The following LARGE1 variants were observed in gnomAD, a reference collection of about 807,000 sequenced individuals.
LARGE1 encodes LARGE xylosyl- and glucuronyltransferase 1.
Under a neutral mutation model 87.6 loss-of-function variants are expected in LARGE1, and 43 were observed. That is an observed-to-expected ratio of 0.49 (90% CI 0.38 to 0.63). The LOEUF is 0.63. LARGE1 is among the 30% of genes least tolerant of loss of function. The pLI is 0.00. For synonymous variants in LARGE1, 434 were observed against 394.6 expected (o/e 1.10, Z -1.18); for missense variants, 802 against 1,000.2 (o/e 0.80, Z 2.67).
chr22:33,386,436 T>A (rs1285739566), intron 7 of LARGE1, among the ~76,000 whole-genome samples: 1 of 148,662 alleles, frequency 6.7e-6, no homozygotes, highest in Non-Finnish European at 1.5e-5. Flanking sequence ...GAGTGTTAAA[T>A]GAGAAAAATG....
At chr22:33,921,352 C>T (rs2065946463), upstream of LARGE1, among the ~76,000 whole-genome samples, 1 of 152,214 alleles carries the variant, frequency 6.6e-6, no homozygotes, top group South Asian at 2.1e-4. This position sits in a 1 kb window ranked among gnomAD's most constrained non-coding sequence, Gnocchi z 4.1. Flanking sequence ...CCGCCTCGGG[C>T]TTGGCGTGCC....
chr22:33,289,347 ACAG>A (rs555694983), intron 12 of LARGE1, among the ~76,000 whole-genome samples: 18 of 152,316 alleles, frequency 1.2e-4, no homozygotes, highest in African/African-American at 3.8e-4. Flanking sequence ...TTGGAGCCAG[ACAG>A]CAGCAGCTTC....
chr22:33,332,653 A>T (rs1212834570), intron 10 of LARGE1, among the ~76,000 whole-genome samples: 1 of 152,168 alleles, frequency 6.6e-6, no homozygotes, highest in Non-Finnish European at 1.5e-5. Context: ...CTGGGAGCAT[A>T]GGCTTTGGGC....
At chr22:33,364,062 T>A (rs534932411) in intron 9 of LARGE1, among the ~76,000 whole-genome samples, 21,882 of 148,774 alleles carry the variant, frequency 0.15, 2,955 homozygotes, top group South Asian at 0.29. Context: ...GCTATATATT[T>A]TTTTTTTTTT....
At chr22:33,693,472 A>T (rs1186489504) in intron 2 of LARGE1, among the ~76,000 whole-genome samples, 1 of 152,232 alleles carries the variant, frequency 6.6e-6, no homozygotes, top group Non-Finnish European at 1.5e-5. Context: ...AAGAGCTCTC[A>T]TTGTGTTATA....
chr22:33,410,012 G>A (rs931246449), intron 7 of LARGE1, among the ~76,000 whole-genome samples: 4 of 152,090 alleles, frequency 2.6e-5, no homozygotes, highest in Admixed American at 2.0e-4. Context: ...TACAAATGGT[G>A]TCTTTATAAT....
intron 6 of LARGE1, among the ~76,000 whole-genome samples, chr22:33,556,524 G>A (rs1303252107): frequency 2.5e-5 from 2 of 80,288 alleles, no homozygotes; most frequent in Non-Finnish European, 5.5e-5. Flanking sequence ...GGAAGGGAGG[G>A]AGGGAGGGAG....
At chr22:33,078,477 A>T in the LARGE1 span, among the ~76,000 whole-genome samples, 1 of 152,066 alleles carries the variant, frequency 6.6e-6, no homozygotes, top group Non-Finnish European at 1.5e-5. Flanking sequence ...TACTGTTATT[A>T]TACCCATTGT....
intron 6 of LARGE1, among the ~76,000 whole-genome samples, chr22:33,517,987 C>T (rs1252116498): frequency 3.3e-5 from 5 of 152,176 alleles, no homozygotes; most frequent in South Asian, 2.1e-4. Context: ...TCCTTGCTGT[C>T]GTTAGATCAC....
chr22:33,609,381 C>T (rs2079359522), intron 4 of LARGE1, among the ~76,000 whole-genome samples: 1 of 152,218 alleles, frequency 6.6e-6, no homozygotes, highest in Non-Finnish European at 1.5e-5. Flanking sequence ...AAACAACCTG[C>T]ACAACCATAT....
At chr22:33,854,500 G>A (rs1459187166) in intron 1 of LARGE1, among the ~76,000 whole-genome samples, 1 of 152,094 alleles carries the variant, frequency 6.6e-6, no homozygotes, top group African/African-American at 2.4e-5. Context: ...AAATCCCCCA[G>A]TGTTCTAATC....
intron 6 of LARGE1, among the ~76,000 whole-genome samples, chr22:33,535,467 C>T (rs771954638): frequency 6.6e-5 from 10 of 151,692 alleles, no homozygotes; most frequent in African/African-American, 2.4e-4. Flanking sequence ...CGCTTGAACC[C>T]GGGAGGTGGA....
the LARGE1 span, chr22:33,116,121 G>A: frequency 1.3e-5 from 2 of 152,170 alleles, no homozygotes; most frequent in Non-Finnish European, 2.9e-5. Context: ...GGTGGACATC[G>A]ACGAGGGTGG....
At chr22:33,661,310 G>A (rs1435966591) in intron 2 of LARGE1, among the ~76,000 whole-genome samples, 1 of 151,204 alleles carries the variant, frequency 6.6e-6, no homozygotes, top group East Asian at 2.0e-4. Flanking sequence ...CCACCTCCCA[G>A]GTTCAAGCGA....
At chr22:33,094,511 A>ATACC in the LARGE1 span, among the ~76,000 whole-genome samples, 2 of 152,058 alleles carry the variant, frequency 1.3e-5, no homozygotes, top group Non-Finnish European at 2.9e-5. Flanking sequence ...TCCTCTGACA[A>ATACC]TACCACTCGA....
intron 12 of LARGE1, among the ~76,000 whole-genome samples, chr22:33,299,734 C>G (rs1273087728): frequency 1.3e-5 from 2 of 152,182 alleles, no homozygotes; most frequent in Non-Finnish European, 2.9e-5. Flanking sequence ...AGCAAGCAGC[C>G]CCAACTCACA....
chr22:33,144,582 G>A, the LARGE1 span, among the ~76,000 whole-genome samples: 1 of 152,110 alleles, frequency 6.6e-6, no homozygotes, highest in South Asian at 2.1e-4. Flanking sequence ...TATAAGAAGT[G>A]CATTCATAGA....
chr22:33,248,035 T>C (rs1206583771), intron 11 of LARGE1, among the ~76,000 whole-genome samples: 5 of 152,190 alleles, frequency 3.3e-5, no homozygotes, highest in Non-Finnish European at 7.3e-5. Context: ...TTGCCAAGAT[T>C]GGAACCTCAT....
At chr22:33,580,721 CAG>C (rs1028102250) in intron 5 of LARGE1, among the ~76,000 whole-genome samples, 5 of 152,268 alleles carry the variant, frequency 3.3e-5, no homozygotes, top group Admixed American at 1.3e-4. Context: ...TTAATAATAA[CAG>C]GGGATGAGAA....
Sources: allele counts gnomAD v4.1 joint callset (sites outside exome capture counted in the v4.1 genomes callset), GRCh38; gene constraint gnomAD v4.1.1; non-coding constraint Gnocchi (gnomAD v3.1); transcripts MANE v1.5; gene names NCBI Gene and HGNC (gene_info 2026-07-23, HGNC 2026-07-21).